RD3L: variants seen among roughly 807,000 people sequenced by gnomAD.
The protein encoded by RD3L is RD3 like, also known as protein RD3-like.
RD3L carries 6 observed loss-of-function variants against 12.5 expected under a neutral mutation model. The observed-to-expected ratio is 0.48, with a 90% confidence interval of 0.26 to 0.95. The LOEUF is 0.95. Among genes scored for constraint, RD3L ranks in the 40% least tolerant of loss-of-function variants. RD3L has a pLI of 0.14. For synonymous variants in RD3L, 87 were observed against 79.3 expected (o/e 1.10, Z -0.52); for missense variants, 234 against 228.6 (o/e 1.02, Z -0.15).
At position 103,940,802 on chromosome 14, in the gene RD3L, T is replaced by G; in HGVS notation, c.*4A>C. On this transcript the variant is annotated 3_prime_UTR_variant, in exon 3 of 3. Transcript: ENST00000557640. ...TCATAAAAACCCCTCTAGTTGTAAGTAACTTAACTAGATGGGTGATAATAT... is the reference window on the plus strand; with the variant it reads ...TCATAAAAACCCCTCTAGTTGTAAGGAACTTAACTAGATGGGTGATAATAT... 1 of 1,525,284 alleles carries G rather than the reference T, an allele frequency of 6.6e-7. No homozygotes were observed. 94.5% of individuals were successfully genotyped at this position (1,525,284 alleles called of 1,614,324 possible).
At position 103,941,398 on chromosome 14, in the gene RD3L, T is replaced by G. The variant is rs533944623; in HGVS notation, c.298A>C (p.Arg100=). The G allele has an allele frequency of 6.5e-7, 1 of 1,531,124 alleles. No homozygotes were observed. The highest frequency in any genetic ancestry group is 2.4e-5 in the East Asian group (1 of 40,878). 94.8% of individuals were successfully genotyped at this position (1,531,124 alleles called of 1,614,324 possible). A position where few individuals can be genotyped will look rare whatever the true frequency, so the allele number is the denominator to read the frequency against. ...CATAAGAGAACATAGTATTTTTACC[T>G]GCTGAGAATAGTTCCAGTTTGGCAA... ...QPCQTGTILS[R]FREVLAENDV... The change falls in exon 2 of 3, where the codon AGA becomes CGA. Residue 100 remains arginine (R), a splice_region_variant and synonymous_variant. Transcript: ENST00000557640.
Position 103,940,739 on chromosome 14 carries a change from A to C in RD3L, c.*67T>G, listed in dbSNP as rs1021222104. The C allele has an allele frequency of 9.2e-7, 1 of 1,090,808 alleles. No individual in the cohort carries two copies. Among genetic ancestry groups the C allele is most frequent in the Admixed American group, 2.4e-5 (1 of 41,180 alleles). The allele number at this position is 1,090,808 out of a possible 1,614,324, so 67.6% of individuals were successfully genotyped here. The stretch of plus-strand genomic sequence containing the variant: ...ACAAAGAAAAACTTGAAGTCACATC[A>C]CTTTTTCTTATTCTTAATATTAGGA... On this transcript the variant is annotated 3_prime_UTR_variant, in exon 3 of 3. Transcript: ENST00000557640.
intron 2 of RD3L, 26 bp downstream of exon 2, chr14:103,941,371 A>G (rs146277880): frequency 1.9e-4 from 281 of 1,495,720 alleles, no homozygotes; most frequent in Admixed American, 3.1e-4. Flanking sequence ...AGTAGCAGGA[A>G]TCATAAGAGA....
chr14:103,941,025 G>C lies in RD3L; in HGVS notation c.378C>G (p.Phe126Leu), dbSNP rs1282774363. Residue 126 changes from phenylalanine (F) to leucine (L), a missense_variant, in exon 3 of 3, where the codon TTC becomes TTG. Phe to Leu is a conservative substitution (Grantham distance 22). Coordinates refer to ENST00000557640, the MANE Select transcript of RD3L (RefSeq NM_001257268.2). ...CACTCCCTCTGTCAGAGCTGCTTAG[G>C]AAGTCTTTCAGAACTTGCTTGAAGA... ...VYIFKQVLKDFLSSSDRGSEQ... is the reference protein window; with the variant it reads ...VYIFKQVLKDLLSSSDRGSEQ... The C allele has an allele frequency of 2.0e-6, 3 of 1,535,272 alleles. No homozygotes were observed. Among genetic ancestry groups the C allele is most frequent in the South Asian group, 2.4e-5 (2 of 84,052 alleles).
In RD3L at chr14:103,941,640, T is replaced by C. The variant is rs2031242245; in HGVS notation, c.56A>G (p.His19Arg). 5.2e-6 allele frequency: 8 copies of C among 1,534,878 alleles called. 1 individual carries two copies. The highest frequency in any genetic ancestry group is 2.4e-5 in the South Asian group (2 of 83,968). Residue 19 changes from histidine (H) to arginine (R), a missense_variant, in exon 2 of 3, where the codon CAC becomes CGC. By Grantham distance (29) the His-to-Arg change is conservative. Coordinates refer to ENST00000557640, the MANE Select transcript of RD3L (RefSeq NM_001257268.2). ...WPKNDSYKPTHYPGSDIVTKT... is the reference protein window; with the variant it reads ...WPKNDSYKPTRYPGSDIVTKT... The stretch of plus-strand genomic sequence containing the variant: ...TGTCACTATGTCTGAGCCAGGATAG[T>C]GTGTGGGTTTGTAGGAATCGTTTTT...
intron 2 of RD3L, 78 bp from the exon 3 acceptor site, chr14:103,941,181 A>G (rs2031208048): frequency 8.5e-7 from 1 of 1,181,654 alleles, no homozygotes; most frequent in Non-Finnish European, 1.2e-6. Flanking sequence ...TACAGCTTGA[A>G]TAATGTATAC....
rs2031239528 is a variant in RD3L at position 103,941,605 on chromosome 14, G to C, written c.91C>G (p.Leu31Val). The C allele has an allele frequency of 6.5e-7, 1 of 1,535,090 alleles. No individual in the cohort carries two copies. Among genetic ancestry groups the C allele is most frequent in the South Asian group, 1.2e-5 (1 of 84,040 alleles). The change falls in exon 2 of 3, where the codon CTT becomes GTT. Residue 31 changes from leucine (L) to valine (V), a missense_variant. Physicochemically the swap from Leu to Val is conservative, Grantham distance 32. Coordinates refer to ENST00000557640, the MANE Select transcript of RD3L (RefSeq NM_001257268.2). ...TTTAGGTGCCATTTTAATTCCCGAA[G>C]CAGAGTCTTTGTCACTATGTCTGAG... ...PGSDIVTKTL[L>V]RELKWHLKER... is the part of the protein sequence containing the mutation.
At position 103,940,906 on chromosome 14, in the gene RD3L, A is replaced by G; in HGVS notation, c.497T>C (p.Ile166Thr). Residue 166 changes from isoleucine to threonine, a missense_variant, in exon 3 of 3, where the codon ATA becomes ACA. Coordinates refer to ENST00000557640, the MANE Select transcript of RD3L (RefSeq NM_001257268.2). ...DSSKRADKDE[I>T]PTISSYVDKN... ...GTCTACGTAACTGGAAATGGTGGGT[A>G]TTTCATCTTTGTCTGCCCTCTTGGA... 6.5e-7 allele frequency: 1 copy of G among 1,535,278 alleles called. No individual in the cohort carries two copies. The highest frequency in any genetic ancestry group is 8.7e-7 in the Non-Finnish European group (1 of 1,146,634).
chr14:103,941,194 G>A, intron 2 of RD3L, 91 bp from the exon 3 acceptor site: 1 of 1,081,346 alleles, frequency 9.2e-7, no homozygotes, highest in East Asian at 2.6e-5. Flanking sequence ...ATGTATACAA[G>A]TTACCCACCT....
At position 103,940,794 on chromosome 14, in the gene RD3L, G is replaced by A; in HGVS notation, c.*12C>T. ...TAAGGTGTTCATAAAAACCCCTCTA[G>A]TTGTAAGTAACTTAACTAGATGGGT... On this transcript the variant is annotated 3_prime_UTR_variant, in exon 3 of 3. Transcript: ENST00000557640. The A allele has an allele frequency of 1.3e-6, 2 of 1,524,226 alleles. No homozygotes were observed. The highest frequency in any genetic ancestry group is 1.8e-6 in the Non-Finnish European group (2 of 1,136,972). The allele number at this position is 1,524,226 out of a possible 1,614,324, so 94.4% of individuals were successfully genotyped here. A position where few individuals can be genotyped will look rare whatever the true frequency, so the allele number is the denominator to read the frequency against.
intron 1 of RD3L, 122 bp downstream of exon 1, chr14:103,941,970 G>C (rs951433662): frequency 7.9e-6 from 3 of 381,946 alleles, no homozygotes; most frequent in Non-Finnish European, 1.4e-5. Flanking sequence ...AATGATATCC[G>C]AAAATAACAC....
Position 103,941,559 on chromosome 14 carries a change from T to A in RD3L, c.137A>T (p.Gln46Leu). 12 of 1,535,370 alleles carry A rather than the reference T, an allele frequency of 7.8e-6. No homozygotes were observed. The highest frequency in any genetic ancestry group is 1.0e-5 in the Non-Finnish European group (12 of 1,146,684). Residue 46 changes from glutamine (Q) to leucine (L), a missense_variant, in exon 2 of 3, where the codon CAA (glutamine) becomes CTA (leucine). Physicochemically the swap from Gln to Leu is moderately radical, Grantham distance 113. Transcript: ENST00000557640. Reference sequence around the variant, plus strand: ...CACTTTTTGTTCATTTTCGATTTCTTGTATTAATCTCTCTCGCTCCTTTAG... The same window carrying A: ...CACTTTTTGTTCATTTTCGATTTCTAGTATTAATCTCTCTCGCTCCTTTAG... ...WHLKERERLI[Q>L]EIENEQKVKK...
intron 1 of RD3L, 123 bp downstream of exon 1, chr14:103,941,969 C>T (rs184192388): frequency 5.1e-5 from 19 of 373,122 alleles, no homozygotes; most frequent in African/African-American, 3.4e-4. Context: ...GAATGATATC[C>T]GAAAATAACA....
Position 103,941,005 on chromosome 14 carries a change from CCTCT to C in RD3L, c.394_397del (p.Arg132GlyfsTer20). 1 of 1,535,350 alleles carries C rather than the reference CCTCT, an allele frequency of 6.5e-7. No homozygotes were observed. The highest frequency in any genetic ancestry group is 8.7e-7 in the Non-Finnish European group (1 of 1,146,642). On this transcript the variant is annotated frameshift_variant, in exon 3 of 3. Transcript: ENST00000557640. LOFTEE classifies it low-confidence loss of function (END_TRUNC). ...GTCCTCCAGGTCCTCTTGCTCACTC[CCTCT>C]GTCAGAGCTGCTTAGGAAGTCTTTC...
chr14:103,942,014 A>C, intron 1 of RD3L, 78 bp downstream of exon 1: 1 of 265,312 alleles, frequency 3.8e-6, no homozygotes. Context: ...TAAGAGACTT[A>C]AAATATTAAT....
At chr14:103,941,216 T>C in intron 2 of RD3L, 113 bp from the exon 3 acceptor site, 1 of 1,013,638 alleles carries the variant, frequency 9.9e-7, no homozygotes, top group Non-Finnish European at 1.4e-6. Flanking sequence ...TTGAGTATTT[T>C]GCATGTTGTT....
rs1461965887 is a variant in RD3L, at chr14:103,941,415, G to T, written c.281C>A (p.Thr94Asn). The T allele has an allele frequency of 6.5e-7, 1 of 1,534,854 alleles. No homozygotes were observed. The highest frequency in any genetic ancestry group is 8.7e-7 in the Non-Finnish European group (1 of 1,146,396). The change falls in exon 2 of 3, where the codon ACT (threonine) becomes AAT (asparagine). Residue 94 changes from threonine to asparagine, a missense_variant. Thr to Asn is a moderately conservative substitution (Grantham distance 65). Coordinates refer to ENST00000557640, the MANE Select transcript of RD3L (RefSeq NM_001257268.2). The part of the protein sequence containing the change: ...VLCSQVQPCQ[T>N]GTILSRFREV... ...TTTTTACCTGCTGAGAATAGTTCCA[G>T]TTTGGCAAGGTTGAACTTGTGAGCA...
intron 2 of RD3L, 91 bp from the exon 3 acceptor site, chr14:103,941,194 G>T (rs1360450714): frequency 9.2e-7 from 1 of 1,081,228 alleles, no homozygotes; most frequent in East Asian, 2.6e-5. Context: ...ATGTATACAA[G>T]TTACCCACCT....
intron 2 of RD3L, 44 bp downstream of exon 2, chr14:103,941,350 TTGG>T (rs1228023751): frequency 7.3e-7 from 1 of 1,373,744 alleles, no homozygotes; most frequent in Non-Finnish European, 9.8e-7. Context: ...TATGAGGAAC[TTGG>T]ACTTAGCAGT....
Sources: allele counts gnomAD v4.1 joint callset, GRCh38; gene constraint gnomAD v4.1.1; transcripts MANE v1.5; gene names NCBI Gene and HGNC (gene_info 2026-07-23, HGNC 2026-07-21).